The following AGO2 variants were observed in gnomAD, a reference collection of about 807,000 sequenced individuals.
AGO2 encodes argonaute RISC catalytic component 2.
Under a neutral mutation model 102.3 loss-of-function variants are expected in AGO2, and 5 were observed. That is an observed-to-expected ratio of 0.05 (90% CI 0.03 to 0.10). The LOEUF is 0.10. Among genes scored for constraint, AGO2 ranks in the 10% least tolerant of loss-of-function variants. The probability of loss-of-function intolerance (pLI) is 1.00; values close to 1 mark genes in which losing one functional copy is unlikely to be tolerated. For synonymous variants in AGO2, 449 were observed against 473.1 expected, an observed-to-expected ratio of 0.95 and a Z score of 0.66; for missense variants, 541 against 1,183.7, an observed-to-expected ratio of 0.46 and a Z score of 7.97.
At chr8:140,634,867 T>C (rs973334301) in intron 1 of AGO2, among the ~76,000 whole-genome samples, 2 of 152,012 alleles carry the variant, frequency 1.3e-5, no homozygotes, top group Admixed American at 6.5e-5. Context: ...TTCCAGACTT[T>C]CCTTGGGAAA....
chr8:140,583,189 A>G (rs2073583920), intron 2 of AGO2, among the ~76,000 whole-genome samples: 1 of 152,218 alleles, frequency 6.6e-6, no homozygotes, highest in Non-Finnish European at 1.5e-5. Context: ...TCTAGGACTT[A>G]TAGCAGCAGC....
At chr8:140,553,399 T>A in intron 10 of AGO2, among the ~76,000 whole-genome samples, 1 of 126,098 alleles carries the variant, frequency 7.9e-6, no homozygotes, top group Non-Finnish European at 1.6e-5. Context: ...AGTTACAAGT[T>A]TTTTGTTTTT....
rs1328202639 is a variant in AGO2, at chr8:140,615,908, G to C, written c.22+19577C>G. 2.6e-5 allele frequency among the ~76,000 whole-genome samples: 4 copies of C among 152,230 alleles called. No homozygotes were observed. The East Asian group carries it at 7.7e-4, about 29-fold the overall frequency. On this transcript the variant is annotated intron_variant, in intron 1 of 18. Coordinates refer to ENST00000220592, the MANE Select transcript of AGO2 (RefSeq NM_012154.5). The stretch of plus-strand genomic sequence containing the variant: ...AACAATGGGACCAAATACCTGCAAA[G>C]TCACTTAAAAGAACAAAAGATATCT...
chr8:140,539,293 C>T lies in AGO2; in HGVS notation c.2169+27G>A. On this transcript the variant is annotated intron_variant, in intron 16 of 18. Transcript: ENST00000220592. This position sits in a 1 kb window ranked among gnomAD's most constrained non-coding sequence, Gnocchi z 4.7. ...TGGGGCTGAGGGGAGAACCGTGCCC[C>T]CTGCCTGGAGTCATGCAGAAACTCA... is the stretch of plus-strand genomic sequence containing the variant. 6.3e-7 allele frequency: 1 copy of T among 1,582,812 alleles called. No individual in the cohort carries two copies. The highest frequency in any genetic ancestry group is 8.6e-7 in the Non-Finnish European group (1 of 1,162,048).
chr8:140,625,699 G>T (rs900990221), intron 1 of AGO2, among the ~76,000 whole-genome samples: 1 of 152,058 alleles, frequency 6.6e-6, no homozygotes, highest in African/African-American at 2.4e-5. Flanking sequence ...GCGCATCCCC[G>T]ACCAGATCCT....
chr8:140,536,869 G>A (rs1026404460), intron 16 of AGO2, among the ~76,000 whole-genome samples: 4 of 152,178 alleles, frequency 2.6e-5, no homozygotes, highest in African/African-American at 9.7e-5. Context: ...GACTCCTGGG[G>A]ACTGAGGTCT....
intron 2 of AGO2, among the ~76,000 whole-genome samples, chr8:140,582,162 A>C (rs1213749325): frequency 1.3e-5 from 2 of 152,268 alleles, no homozygotes; most frequent in Non-Finnish European, 1.5e-5. Context: ...ATTGTAAAGA[A>C]CAACAAATTT....
rs770478969 is a variant in AGO2 at position 140,539,490 on chromosome 8, A to G, written c.2035-36T>C. On this transcript the variant is annotated intron_variant, in intron 15 of 18. Transcript: ENST00000220592. This position sits in a 1 kb window ranked among gnomAD's most constrained non-coding sequence, Gnocchi z 4.7. ...GGGAGGGAGGAGGTTGTGCTTAAAG[A>G]TGGTAGTGCATGTGAGCAACGGTCC... The G allele has an allele frequency of 2.0e-5, 32 of 1,586,784 alleles. No homozygotes were observed. The South Asian group carries it at 3.6e-4, about 18-fold the overall frequency.
rs367630912 is a variant in AGO2, at chr8:140,572,890, G to T, written c.258C>A (p.Ile86=). Residue 86 remains isoleucine, a synonymous_variant, in exon 3 of 19, where the codon ATC becomes ATA. Coordinates refer to ENST00000220592, the MANE Select transcript of AGO2 (RefSeq NM_012154.5). ...EHMVQHFKTQ[I]FGDRKPVFDG... Reference sequence around the variant, plus strand: ...CAAACACGGGCTTCCGATCCCCAAAGATCTGTGTTTTAAAGTGCTGGACCA... The same window carrying T: ...CAAACACGGGCTTCCGATCCCCAAATATCTGTGTTTTAAAGTGCTGGACCA... 2 of 1,613,914 alleles carry T rather than the reference G, an allele frequency of 1.2e-6. No homozygotes were observed. The highest frequency in any genetic ancestry group is 1.7e-6 in the Non-Finnish European group (2 of 1,180,004).
chr8:140,548,926 G>A (rs1426297539), intron 12 of AGO2, among the ~76,000 whole-genome samples, 188 bp downstream of exon 12: 2 of 152,264 alleles, frequency 1.3e-5, no homozygotes, highest in Admixed American at 6.5e-5. Context: ...CAGGACGACG[G>A]GGAGGCCCTG....
At chr8:140,597,814 C>A (rs1432394150) in intron 1 of AGO2, among the ~76,000 whole-genome samples, 2 of 152,188 alleles carry the variant, frequency 1.3e-5, no homozygotes, top group African/African-American at 4.8e-5. Flanking sequence ...TTTTTATCAG[C>A]GAGGCAGCAA....
chr8:140,633,206 A>G (rs1248451955), intron 1 of AGO2, among the ~76,000 whole-genome samples: 1 of 152,208 alleles, frequency 6.6e-6, no homozygotes, highest in East Asian at 1.9e-4. Flanking sequence ...TGAATGTCTT[A>G]TAATTCTAAA....
Position 140,572,888 on chromosome 8 carries a change from A to T in AGO2, c.260T>A (p.Phe87Tyr), listed in dbSNP as rs1342493171. ...GTCAAACACGGGCTTCCGATCCCCA[A>T]AGATCTGTGTTTTAAAGTGCTGGAC... ...HMVQHFKTQI[F>Y]GDRKPVFDGR... is the part of the protein sequence containing the mutation. The change falls in exon 3 of 19, where the codon TTT becomes TAT. Residue 87 changes from phenylalanine to tyrosine, a missense_variant. Coordinates refer to ENST00000220592, the MANE Select transcript of AGO2 (RefSeq NM_012154.5). The T allele has an allele frequency of 1.2e-6, 2 of 1,614,122 alleles. No homozygotes were observed. Among genetic ancestry groups the T allele is most frequent in the South Asian group, 2.2e-5 (2 of 91,078 alleles).
intron 1 of AGO2, among the ~76,000 whole-genome samples, chr8:140,634,261 C>T (rs2074374425): frequency 6.6e-6 from 1 of 152,288 alleles, no homozygotes; most frequent in Non-Finnish European, 1.5e-5. Context: ...GCCAACAGCT[C>T]CAGCAGTGGG....
chr8:140,594,705 T>G (rs2073797733), intron 1 of AGO2, among the ~76,000 whole-genome samples: 1 of 151,808 alleles, frequency 6.6e-6, no homozygotes, highest in South Asian at 2.1e-4. Flanking sequence ...TACTCGGGGG[T>G]GCTGAGATGG....
intron 1 of AGO2, chr8:140,592,513 T>A (rs1429494758): frequency 6.6e-6 from 1 of 152,236 alleles, no homozygotes; most frequent in Admixed American, 6.5e-5. Context: ...AAAGAATATC[T>A]TCTTGTTACA....
At chr8:140,629,071 A>G (rs1469663874) in intron 1 of AGO2, among the ~76,000 whole-genome samples, 1 of 152,212 alleles carries the variant, frequency 6.6e-6, no homozygotes, top group African/African-American at 2.4e-5. Context: ...AGACTGGGCA[A>G]CAGAGAGAGA....
At chr8:140,554,411 T>C (rs2073059383) in intron 10 of AGO2, among the ~76,000 whole-genome samples, 1 of 152,124 alleles carries the variant, frequency 6.6e-6, no homozygotes, top group South Asian at 2.1e-4. Context: ...GCAGCAGTGC[T>C]AGAGGACAAG....
intron 1 of AGO2, among the ~76,000 whole-genome samples, chr8:140,611,516 C>T (rs377017481): frequency 4.0e-5 from 6 of 151,866 alleles, no homozygotes; most frequent in East Asian, 1.9e-4. Context: ...TTAGTAGAGA[C>T]GAGGTTTCAC....
Sources: gnomAD v4.1 joint callset for allele counts (sites outside exome capture counted in the v4.1 genomes callset) on GRCh38, gnomAD v4.1.1 for gene constraint, Gnocchi (gnomAD v3.1) non-coding constraint, MANE v1.5 for transcripts, NCBI Gene and HGNC (gene_info 2026-07-23, HGNC 2026-07-21) for gene names.